MYH10: variants seen among roughly 807,000 people sequenced by gnomAD.
MYH10 encodes the protein myosin heavy chain 10, also known as myosin-10.
MYH10 carries 55 observed loss-of-function variants against 257.8 expected under a neutral mutation model. The observed-to-expected ratio is 0.21, with a 90% CI of 0.17 to 0.27. The LOEUF is 0.27. MYH10 is among the 10% of genes least tolerant of loss of function. MYH10 has a pLI of 1.00. For missense variants in MYH10, 1,631 were observed against 2,500.6 expected (o/e 0.65, Z 7.42); for synonymous variants, 854 against 921.7 (o/e 0.93, Z 1.33).
chr17:8,484,044 C>T (rs1914327952), intron 37 of MYH10, 94 bp downstream of exon 37: 16 of 1,194,010 alleles, frequency 1.3e-5, no homozygotes, highest in Middle Eastern at 2.6e-4. Flanking sequence ...ACTGACATTA[C>T]AGTGGGCTAC....
chr17:8,514,025 TG>T (rs2081381775), intron 21 of MYH10, 131 bp from the exon 22 acceptor site: 3 of 821,308 alleles, frequency 3.7e-6, no homozygotes, highest in Non-Finnish European at 5.7e-6. Flanking sequence ...AATCAAGTCC[TG>T]GGTGAGACGC....
intron 7 of MYH10, chr17:8,561,288 C>T: frequency 9.5e-7 from 1 of 1,052,088 alleles, no homozygotes; most frequent in Non-Finnish European, 1.5e-6. Context: ...CACGTGCAGG[C>T]TATTCGCTGC....
chr17:8,577,986 C>T (rs929259326), intron 4 of MYH10, among the ~76,000 whole-genome samples: 1 of 152,162 alleles, frequency 6.6e-6, no homozygotes, highest in Non-Finnish European at 1.5e-5. Flanking sequence ...ACATATCTGG[C>T]ACTGCAAACA....
chr17:8,547,036 C>A (rs2082467588), intron 11 of MYH10, among the ~76,000 whole-genome samples: 1 of 152,114 alleles, frequency 6.6e-6, no homozygotes, highest in South Asian at 2.1e-4. Flanking sequence ...CTGGTTCACT[C>A]CTCCCTAGGC....
Position 8,573,767 on chromosome 17 carries a change from T to C in MYH10, c.663+2876A>G, listed in dbSNP as rs139635231. On this transcript the variant is annotated intron_variant, in intron 6 of 42. Coordinates refer to ENST00000360416, the MANE Select transcript of MYH10 (RefSeq NM_001256012.3). The stretch of plus-strand genomic sequence containing the variant: ...ATAAATGTTTATTTCAAGTTAAGTA[T>C]TGTCACTTTAATTTTGAAAACTGAT... The C allele has an allele frequency of 1.5e-3, 1,138 of 768,294 alleles. 15 individuals are homozygous for C. The African/African-American group carries it at 0.019, about 13-fold the overall frequency. 47.6% of individuals were successfully genotyped at this position (768,294 alleles called of 1,614,324 possible).
intron 6 of MYH10, among the ~76,000 whole-genome samples, chr17:8,571,174 T>TTTA (rs2083323670): frequency 2.1e-4 from 1 of 4,770 alleles, no homozygotes; most frequent in South Asian, 0.045. Context: ...TCCTGTAAAG[T>TTTA]TTTTGTTTTT....
At chr17:8,588,819 G>A (rs1484543097) in intron 4 of MYH10, among the ~76,000 whole-genome samples, 1 of 152,188 alleles carries the variant, frequency 6.6e-6, no homozygotes, top group Non-Finnish European at 1.5e-5. Flanking sequence ...GAAACGTCCA[G>A]TAGGCCTACA....
chr17:8,593,116 G>C (rs2152056253), intron 3 of MYH10, among the ~76,000 whole-genome samples: 1 of 151,030 alleles, frequency 6.6e-6, no homozygotes, highest in African/African-American at 2.4e-5. Flanking sequence ...ATGTAAAAAA[G>C]CGTTTGACAA....
At chr17:8,594,452 G>A (rs889597639) in intron 3 of MYH10, among the ~76,000 whole-genome samples, 2 of 152,280 alleles carry the variant, frequency 1.3e-5, no homozygotes, top group Middle Eastern at 6.8e-3. Context: ...CAAGGATGGC[G>A]AACACCTGGA....
chr17:8,532,817 T>G (rs1235690635), intron 16 of MYH10, among the ~76,000 whole-genome samples: 1 of 152,198 alleles, frequency 6.6e-6, no homozygotes, highest in Non-Finnish European at 1.5e-5. Flanking sequence ...TCACAGATTA[T>G]TGCCATGGGA....
chr17:8,486,385 G>A (rs1487007196), intron 36 of MYH10, among the ~76,000 whole-genome samples: 1 of 151,978 alleles, frequency 6.6e-6, no homozygotes, highest in African/African-American at 2.4e-5. Context: ...TATATTCTTT[G>A]TAATTAATTA....
At chr17:8,576,616 C>T in intron 6 of MYH10, 27 bp downstream of exon 6, 1 of 1,547,664 alleles carries the variant, frequency 6.5e-7, no homozygotes, top group Non-Finnish European at 8.7e-7. Flanking sequence ...ACACTCAAGA[C>T]TAAGAAGCAT....
intron 3 of MYH10, among the ~76,000 whole-genome samples, chr17:8,597,863 C>A (rs2084439227): frequency 6.6e-6 from 1 of 152,006 alleles, no homozygotes; most frequent in Admixed American, 6.6e-5. Context: ...CATGATCCAC[C>A]CGCCCCAGCC....
rs896396899 is a variant in MYH10 at position 8,490,668 on chromosome 17, G to A, written c.4672-116C>T. ...CATGCTGGCCACTTTGGTCCCCCTG[G>A]GCCGGCCCCCTGCCACATGCATACA... On this transcript the variant is annotated intron_variant, in intron 34 of 42. Coordinates refer to ENST00000360416, the MANE Select transcript of MYH10 (RefSeq NM_001256012.3). This position sits in a 1 kb window ranked among gnomAD's most constrained non-coding sequence, Gnocchi z 4.1. 3 of 952,006 alleles carry A rather than the reference G, an allele frequency of 3.2e-6. No homozygotes were observed. Among genetic ancestry groups the A allele is most frequent in the Non-Finnish European group, 4.9e-6 (3 of 609,526 alleles). The allele number at this position is 952,006 out of a possible 1,614,324, so 59.0% of individuals were successfully genotyped here.
chr17:8,509,193 C>T (rs892584576), intron 25 of MYH10, among the ~76,000 whole-genome samples: 6 of 152,174 alleles, frequency 3.9e-5, no homozygotes, highest in Non-Finnish European at 8.8e-5. Flanking sequence ...TGTTTAGATA[C>T]ACAAGTACTT....
In MYH10 at chr17:8,494,949, G is replaced by A. The variant is rs188244303; in HGVS notation, c.4056+188C>T. On this transcript the variant is annotated intron_variant, in intron 31 of 42. Transcript: ENST00000360416. ...GCCTGCCAGACACACGAACCCCAGGGGCTCTACATCAAGACACTGAGCTTC... is the reference window on the plus strand; with the variant it reads ...GCCTGCCAGACACACGAACCCCAGGAGCTCTACATCAAGACACTGAGCTTC... 1.2e-4 allele frequency among the ~76,000 whole-genome samples: 18 copies of A among 152,298 alleles called. No individual in the cohort carries two copies. In the East Asian group the frequency reaches 3.1e-3, roughly 26 times the overall value.
At chr17:8,546,736 G>A in intron 11 of MYH10, 74 bp from the exon 12 acceptor site, 84 of 1,043,020 alleles carry the variant, frequency 8.1e-5, no homozygotes, top group South Asian at 3.4e-4. Context: ...AATAAACACT[G>A]GAAAAACCTT....
In MYH10 at chr17:8,622,888, G is replaced by C. The variant is rs569717818; in HGVS notation, c.345+14C>G. The stretch of plus-strand genomic sequence containing the variant: ...AGCTACCACTTCACATGATTATTTG[G>C]AAGAAATACTTACATAGATTAGTCC... On this transcript the variant is annotated intron_variant, in intron 2 of 42. Coordinates refer to ENST00000360416, the MANE Select transcript of MYH10 (RefSeq NM_001256012.3). 5.0e-6 allele frequency: 8 copies of C among 1,608,790 alleles called. No homozygotes were observed. The Admixed American group carries it at 6.8e-5, about 14-fold the overall frequency.
chr17:8,494,533 C>G (rs186461309), intron 31 of MYH10, among the ~76,000 whole-genome samples: 7 of 152,156 alleles, frequency 4.6e-5, no homozygotes, highest in African/African-American at 1.7e-4. Context: ...CCACTTTTGG[C>G]CTGTCTGAGA....
Sources: allele counts gnomAD v4.1 joint callset (sites outside exome capture counted in the v4.1 genomes callset), GRCh38; gene constraint gnomAD v4.1.1; non-coding constraint Gnocchi (gnomAD v3.1); transcripts MANE v1.5; gene names NCBI Gene and HGNC (gene_info 2026-07-23, HGNC 2026-07-21).